The following ERC2 variants were observed in gnomAD, a reference collection of about 807,000 sequenced individuals.
The protein encoded by ERC2 is ERC protein 2.
In ERC2, 42 loss-of-function variants were observed where a neutral mutation model predicts 114.8. The observed-to-expected ratio is 0.37, with a 90% CI of 0.29 to 0.47. The LOEUF is 0.47. Ranked by LOEUF, ERC2 falls within the 20% of genes least tolerant of loss-of-function variation. ERC2 has a pLI of 0.99. For missense variants in ERC2, 939 were observed against 1,150.7 expected (o/e 0.82, Z 2.66); for synonymous variants, 454 against 425.5 (o/e 1.07, Z -0.82).
At chr3:55,715,758 T>A (rs1212419936) in intron 15 of ERC2, among the ~76,000 whole-genome samples, 1 of 152,170 alleles carries the variant, frequency 6.6e-6, no homozygotes, top group Admixed American at 6.6e-5. Flanking sequence ...GTTCTGGAAT[T>A]TTAAGGTTAA....
chr3:55,958,963 TCCAG>T (rs910093277), intron 12 of ERC2, among the ~76,000 whole-genome samples: 1 of 152,106 alleles, frequency 6.6e-6, no homozygotes, highest in Non-Finnish European at 1.5e-5. Flanking sequence ...GGGGCAGGGC[TCCAG>T]CCTGTTCTTG....
At chr3:56,440,136 T>C (rs1452862798) in intron 1 of ERC2, among the ~76,000 whole-genome samples, 1 of 152,180 alleles carries the variant, frequency 6.6e-6, no homozygotes, top group East Asian at 1.9e-4. Context: ...CAAATATGCA[T>C]AAAGCAGAAA....
At chr3:55,851,188 T>TTTTTTTTTGAG (rs1427189122) in intron 14 of ERC2, among the ~76,000 whole-genome samples, 1 of 148,000 alleles carries the variant, frequency 6.8e-6, no homozygotes, top group African/African-American at 2.5e-5. Context: ...ATGATTTTTT[T>TTTTTTTTTGAG]AAGCCCATGC....
At chr3:55,685,521 A>G (rs896275345) in intron 16 of ERC2, among the ~76,000 whole-genome samples, 1 of 152,192 alleles carries the variant, frequency 6.6e-6, no homozygotes, top group Admixed American at 6.6e-5. Context: ...TGGAGAAAAG[A>G]AACTTTGATG....
At chr3:55,964,416 A>G (rs561674100) in intron 12 of ERC2, among the ~76,000 whole-genome samples, 79 of 151,970 alleles carry the variant, frequency 5.2e-4, no homozygotes, top group Admixed American at 4.6e-3. Context: ...AGAATGGAAC[A>G]TAATAACTAG....
intron 6 of ERC2, among the ~76,000 whole-genome samples, chr3:56,134,915 TTTTTGTTTTTTTTTGTTTTTG>T (rs1388746779): frequency 1.3e-3 from 141 of 107,050 alleles, no homozygotes; most frequent in African/African-American, 4.4e-3. Flanking sequence ...TCTCTCTTTT[TTTTTGTTTTTTTTTGTTTTTG>T]TTTTTGTTTT....
chr3:56,348,868 AAAGGAAGGAAGGAAGG>A (rs559533182), intron 2 of ERC2, among the ~76,000 whole-genome samples: 1,359 of 113,980 alleles, frequency 0.012, 16 homozygotes, highest in Non-Finnish European at 0.016. Flanking sequence ...AAAATGAAAG[AAAGGAAGGAAGGAAGG>A]AAGGAAGGAA....
intron 7 of ERC2, among the ~76,000 whole-genome samples, chr3:56,021,803 A>G (rs375518624): frequency 6.6e-6 from 1 of 152,180 alleles, no homozygotes; most frequent in Non-Finnish European, 1.5e-5. Context: ...GCTCCCACTT[A>G]TGAGTAAGAA....
intron 10 of ERC2, among the ~76,000 whole-genome samples, chr3:56,004,099 C>T (rs2072284968): frequency 6.6e-6 from 1 of 151,932 alleles, no homozygotes; most frequent in South Asian, 2.1e-4. Flanking sequence ...GAAACTCCCT[C>T]CTCAGGTATA....
chr3:55,939,534 T>C (rs1049421507), intron 13 of ERC2, among the ~76,000 whole-genome samples: 2 of 152,246 alleles, frequency 1.3e-5, no homozygotes, highest in African/African-American at 4.8e-5. Context: ...ATATGTATTA[T>C]TTTCCAGAGG....
intron 2 of ERC2, among the ~76,000 whole-genome samples, chr3:56,359,151 C>T (rs2058852833): frequency 6.6e-6 from 1 of 152,180 alleles, no homozygotes; most frequent in South Asian, 2.1e-4. Flanking sequence ...TATCATCATG[C>T]CTCATGTATC....
At chr3:55,511,958 C>A (rs750462401) in intron 17 of ERC2, among the ~76,000 whole-genome samples, 3 of 152,220 alleles carry the variant, frequency 2.0e-5, no homozygotes, top group Non-Finnish European at 4.4e-5. Context: ...CCTGCTGATG[C>A]TCAACTTTGT....
At chr3:55,835,962 GACAA>G (rs1373295445) in intron 14 of ERC2, among the ~76,000 whole-genome samples, 2 of 151,344 alleles carry the variant, frequency 1.3e-5, no homozygotes, top group Non-Finnish European at 2.9e-5. Flanking sequence ...ACCAATAACA[GACAA>G]ACAGAGAGCC....
rs200142807 is a variant in ERC2, at chr3:56,063,423, TA to T, written c.1641+17393del. Among the ~76,000 whole-genome samples the T allele has an allele frequency of 8.0e-4, 122 of 152,360 alleles. No individual in the cohort carries two copies. In the East Asian group the frequency reaches 0.022, roughly 27 times the overall value. ...TAATTTCATTTTCTTTCCAAGCTCT[TA>T]AAAAATTGAGGAGTTTAGCATTTAA... On this transcript the variant is annotated intron_variant, in intron 7 of 17. Coordinates refer to ENST00000288221, the MANE Select transcript of ERC2 (RefSeq NM_015576.3).
At chr3:55,860,660 G>A (rs1042831228) in intron 14 of ERC2, among the ~76,000 whole-genome samples, 6 of 152,088 alleles carry the variant, frequency 3.9e-5, no homozygotes, top group African/African-American at 7.2e-5. Flanking sequence ...TAAAAAGCTC[G>A]AAAAACTCCC....
chr3:55,552,827 T>C (rs1466220380), intron 17 of ERC2, among the ~76,000 whole-genome samples: 1 of 151,786 alleles, frequency 6.6e-6, no homozygotes, highest in Non-Finnish European at 1.5e-5. Flanking sequence ...CTTAAAAATA[T>C]ATACATATAT....
At chr3:55,906,648 T>G (rs1372918456) in intron 13 of ERC2, among the ~76,000 whole-genome samples, 1 of 152,220 alleles carries the variant, frequency 6.6e-6, no homozygotes, top group Non-Finnish European at 1.5e-5. Context: ...CCAGAACTAC[T>G]GCTTCACACA....
intron 2 of ERC2, among the ~76,000 whole-genome samples, chr3:56,307,835 C>T (rs768640063): frequency 0.049 from 6,899 of 141,754 alleles, 165 homozygotes; most frequent in South Asian, 0.094. Flanking sequence ...CTTGCACACA[C>T]ACACACACAC....
intron 17 of ERC2, among the ~76,000 whole-genome samples, chr3:55,583,930 C>T (rs1453639591): frequency 1.3e-5 from 2 of 152,066 alleles, no homozygotes; most frequent in South Asian, 2.1e-4. Flanking sequence ...GTCAAGCTCC[C>T]AAGACTTTCT....
Sources: gnomAD v4.1 joint callset for allele counts (sites outside exome capture counted in the v4.1 genomes callset) on GRCh38, gnomAD v4.1.1 for gene constraint, MANE v1.5 for transcripts, NCBI Gene and HGNC (gene_info 2026-07-23, HGNC 2026-07-21) for gene names.